Variants in LRSAM1 observed in about 807,000 individuals in gnomAD.
The protein encoded by LRSAM1 is leucine rich repeat and sterile alpha motif containing 1.
In LRSAM1, 96 loss-of-function variants were observed where a neutral mutation model predicts 118.1. The ratio of observed to expected loss-of-function variants is 0.81; its 90% confidence interval spans 0.69 to 0.96. The LOEUF (loss-of-function observed/expected upper bound fraction) is 0.96, where lower values mean the gene tolerates loss of function less well. Ranked by LOEUF, LRSAM1 falls within the 40% of genes least tolerant of loss-of-function variation. LRSAM1 has a pLI of 0.00. For synonymous variants in LRSAM1, 322 were observed against 364.2 expected (o/e 0.88, Z 1.32); for missense variants, 804 against 915.5 (o/e 0.88, Z 1.57).
intron 5 of LRSAM1, among the ~76,000 whole-genome samples, chr9:127,456,238 T>G (rs372845307): frequency 8.4e-4 from 126 of 150,878 alleles, no homozygotes; most frequent in Admixed American, 2.2e-3. Flanking sequence ...TTGTTTGTTT[T>G]TTTTTTTTTT....
At chr9:127,494,410 G>C (rs1836045777) in intron 21 of LRSAM1, among the ~76,000 whole-genome samples, 1 of 152,232 alleles carries the variant, frequency 6.6e-6, no homozygotes, top group Admixed American at 6.5e-5. Flanking sequence ...CCCACCCTGG[G>C]CAGGTTACTC....
rs1432887056 is a variant in LRSAM1, at chr9:127,500,458, G to A, written c.1913-552G>A. ...AGGGCAGAGCAGCCAGCATGCTGGG[G>A]ACTCTGTGGGGCTGGGGGCAGGGGA... is the stretch of plus-strand genomic sequence containing the variant. On this transcript the variant is annotated intron_variant, in intron 24 of 25. Transcript: ENST00000300417. Among the ~76,000 whole-genome samples the A allele has an allele frequency of 3.3e-5, 5 of 152,218 alleles. No homozygotes were observed. The East Asian group carries it at 9.7e-4, about 29-fold the overall frequency.
At chr9:127,480,187 C>T (rs974397078) in intron 14 of LRSAM1, among the ~76,000 whole-genome samples, 2 of 152,220 alleles carry the variant, frequency 1.3e-5, no homozygotes, top group African/African-American at 4.8e-5. Context: ...TAGCATGAGA[C>T]TGCTACCAGA....
rs747142126 is a variant in LRSAM1, at chr9:127,454,492, C to T, written c.-32-4C>T. ...CAGTCCCTAACTTCTCTCCTGTGCC[C>T]CAGGGTCCTAAAGATCGCTCTGGGA... is the stretch of plus-strand genomic sequence containing the variant. On this transcript the variant is annotated splice_polypyrimidine_tract_variant and splice_region_variant and intron_variant, in intron 2 of 25. Transcript: ENST00000300417. The T allele has an allele frequency of 3.1e-6, 5 of 1,612,718 alleles. No individual in the cohort carries two copies. In the Admixed American group the frequency reaches 6.7e-5, roughly 22 times the overall value.
Position 127,503,082 on chromosome 9 carries a change from C to T in LRSAM1, c.*183C>T. The T allele has an allele frequency of 1.3e-6, 1 of 765,576 alleles. No individual in the cohort carries two copies. The highest frequency in any genetic ancestry group is 2.1e-6 in the Non-Finnish European group (1 of 473,674). The allele number at this position is 765,576 out of a possible 1,614,324, so 47.4% of individuals were successfully genotyped here. A position where few individuals can be genotyped will look rare whatever the true frequency, so the allele number is the denominator to read the frequency against. ...ATGTCTGGGCCAGGCAGAGGTGCTC[C>T]TCATCCATGACACCACCAGTCTGAA... On this transcript the variant is annotated 3_prime_UTR_variant, in exon 26 of 26. Transcript: ENST00000300417.
chr9:127,492,855 CAA>C lies in LRSAM1; in HGVS notation c.1559_1560del (p.Lys520ArgfsTer21). 1 of 1,614,028 alleles carries C rather than the reference CAA, an allele frequency of 6.2e-7. No homozygotes were observed. Among genetic ancestry groups the C allele is most frequent in the Non-Finnish European group, 8.5e-7 (1 of 1,180,040 alleles). On this transcript the variant is annotated frameshift_variant, in exon 21 of 26. Transcript: ENST00000300417. LOFTEE classifies it high-confidence loss of function. ...TCAGCTCCCTGCTCCAGCAGCTGCT[CAA>C]AGAGAAGCAGCAGCGAGAGGAAGAG... ...ALSSLLQQLL[K>X]EKQQREEELR...
chr9:127,454,081 A>G (rs1048740223), intron 2 of LRSAM1: 1 of 317,070 alleles, frequency 3.2e-6, no homozygotes, highest in Non-Finnish European at 6.1e-6. Flanking sequence ...CGTGGAACTC[A>G]CTAGAAAGAC....
intron 16 of LRSAM1, 109 bp from the exon 17 acceptor site, chr9:127,485,626 AG>A (rs1299921653): frequency 1.2e-5 from 11 of 928,380 alleles, no homozygotes; most frequent in Non-Finnish European, 2.0e-5. Flanking sequence ...TAACCAGGTG[AG>A]GCCTCAAGGC....
intron 3 of LRSAM1, among the ~76,000 whole-genome samples, 173 bp downstream of exon 3, chr9:127,454,772 TC>T (rs1834454378): frequency 6.6e-6 from 1 of 152,148 alleles, no homozygotes; most frequent in Admixed American, 6.5e-5. Context: ...AGGGTGCTTC[TC>T]CCCTGTAGAC....
rs62584967 is a variant in LRSAM1, at chr9:127,466,359, T to C, written c.529-1381T>C. Among the ~76,000 whole-genome samples the C allele has an allele frequency of 4.1e-3, 625 of 151,508 alleles. 4 individuals are homozygous for C. The highest frequency in any genetic ancestry group is 6.7e-3 in the Non-Finnish European group (452 of 67,882). On this transcript the variant is annotated intron_variant, in intron 9 of 25. Coordinates refer to ENST00000300417, the MANE Select transcript of LRSAM1 (RefSeq NM_001005373.4). ...ATGTAGATAGTAACCCAAAATCTCC[T>C]TTTAGAGGAAACCACTTTTAGTTTG...
intron 24 of LRSAM1, among the ~76,000 whole-genome samples, chr9:127,498,668 T>A (rs1304423107): frequency 6.6e-6 from 1 of 152,206 alleles, no homozygotes; most frequent in Non-Finnish European, 1.5e-5. Context: ...GAAGGGGCCA[T>A]GGTGGGATCC....
intron 18 of LRSAM1, 46 bp from the exon 19 acceptor site, chr9:127,489,398 A>G: frequency 1.9e-6 from 3 of 1,577,234 alleles, no homozygotes; most frequent in Non-Finnish European, 2.6e-6. Flanking sequence ...CTGCAGGGAA[A>G]AGTGTGGGCA....
At chr9:127,472,021 G>A (rs1188196922) in intron 10 of LRSAM1, among the ~76,000 whole-genome samples, 1 of 151,230 alleles carries the variant, frequency 6.6e-6, no homozygotes, top group African/African-American at 2.4e-5. Flanking sequence ...GAGTGCGGTG[G>A]CGCAATCTTG....
chr9:127,463,302 C>T (rs564438459), intron 9 of LRSAM1, among the ~76,000 whole-genome samples: 16 of 151,006 alleles, frequency 1.1e-4, no homozygotes, highest in Non-Finnish European at 2.2e-4. Context: ...CAGGGAGGGT[C>T]GAGGAAGTGA....
At chr9:127,472,748 T>A (rs1835219545) in intron 10 of LRSAM1, among the ~76,000 whole-genome samples, 1 of 152,240 alleles carries the variant, frequency 6.6e-6, no homozygotes, top group Non-Finnish European at 1.5e-5. Context: ...AAGAAAAGTC[T>A]TGGGTATTTT....
chr9:127,456,256 G>A (rs186037205), intron 5 of LRSAM1, among the ~76,000 whole-genome samples: 5 of 146,598 alleles, frequency 3.4e-5, no homozygotes, highest in African/African-American at 5.0e-5. Flanking sequence ...TTTTGAAGAC[G>A]GACGCTCTGC....
chr9:127,472,700 A>G (rs1400214662), intron 10 of LRSAM1, among the ~76,000 whole-genome samples: 1 of 152,220 alleles, frequency 6.6e-6, no homozygotes, highest in African/African-American at 2.4e-5. Context: ...AAAAGGTATC[A>G]TATGATGTGA....
intron 10 of LRSAM1, among the ~76,000 whole-genome samples, chr9:127,471,757 A>C (rs1835178336): frequency 6.6e-6 from 1 of 151,686 alleles, no homozygotes; most frequent in African/African-American, 2.4e-5. Flanking sequence ...ACTGCACTCC[A>C]GCCTGGGCGA....
chr9:127,479,890 G>T lies in LRSAM1; in HGVS notation c.955G>T (p.Ala319Ser). The T allele has an allele frequency of 6.2e-7, 1 of 1,612,506 alleles. No individual in the cohort carries two copies. ...GLSEHQRHLN[A>S]ERQRLQEQLK... ...GAGTGAGCACCAGCGCCACCTCAAC[G>T]CAGAGCGGCAGCGGCTGCAGGAGCA... The change falls in exon 14 of 26, where the codon GCA (alanine) becomes TCA (serine). Residue 319 changes from alanine (A) to serine (S), a missense_variant. Physicochemically the swap from Ala to Ser is moderately conservative, Grantham distance 99. Coordinates refer to ENST00000300417, the MANE Select transcript of LRSAM1 (RefSeq NM_001005373.4).
Sources: allele counts gnomAD v4.1 joint callset (sites outside exome capture counted in the v4.1 genomes callset), GRCh38; gene constraint gnomAD v4.1.1; transcripts MANE v1.5; gene names NCBI Gene and HGNC (gene_info 2026-07-23, HGNC 2026-07-21).